Variants in ATP9B observed in about 807,000 individuals in gnomAD.
ATP9B encodes probable phospholipid-transporting ATPase IIB.
ATP9B carries 110 observed loss-of-function variants against 146.1 expected under a neutral mutation model. The ratio of observed to expected loss-of-function variants is 0.75; its 90% CI spans 0.65 to 0.88. The LOEUF (loss-of-function observed/expected upper bound fraction) is 0.88. Ranked by LOEUF, ATP9B falls within the 40% of genes least tolerant of loss-of-function variation. The pLI is 0.00. For missense variants in ATP9B, 1,499 were observed against 1,496.4 expected (o/e 1.00, Z -0.03); for synonymous variants, 604 against 569.7 (o/e 1.06, Z -0.86).
chr18:79,375,654 CG>C, intron 29 of ATP9B: 1 of 985,358 alleles, frequency 1.0e-6, no homozygotes, highest in African/African-American at 1.7e-5. Context: ...GGGAAGGGGC[CG>C]GGCATCCTGC....
chr18:79,075,161 C>T (rs1285249083), intron 1 of ATP9B, among the ~76,000 whole-genome samples: 1 of 151,862 alleles, frequency 6.6e-6, no homozygotes, highest in Non-Finnish European at 1.5e-5. Context: ...ACTGCAAGCT[C>T]TGCCTCCCAG....
At chr18:79,296,687 A>G (rs1444108794) in intron 13 of ATP9B, among the ~76,000 whole-genome samples, 1 of 152,168 alleles carries the variant, frequency 6.6e-6, no homozygotes, top group East Asian at 1.9e-4. Context: ...TATACCTTCC[A>G]CCACCCTTGT....
At chr18:79,263,183 A>G (rs1346015408) in intron 12 of ATP9B, among the ~76,000 whole-genome samples, 1 of 152,104 alleles carries the variant, frequency 6.6e-6, no homozygotes, top group African/African-American at 2.4e-5. Context: ...GCTTTTCCTA[A>G]AGGTTTGCCA....
chr18:79,158,389 A>G lies in ATP9B; in HGVS notation c.778+3834A>G, dbSNP rs192368481. ...TAACTTTGAACCCCTGGGCTCAAGC[A>G]GTTCTCTTGCCTCAGCCTCCCAGGT... is the stretch of plus-strand genomic sequence containing the variant. On this transcript the variant is annotated intron_variant, in intron 7 of 29. Transcript: ENST00000426216. 6.1e-4 allele frequency among the ~76,000 whole-genome samples: 93 copies of G among 152,214 alleles called. No individual in the cohort carries two copies. In the Middle Eastern group the frequency reaches 0.027, roughly 45 times the overall value.
chr18:79,104,216 A>G (rs568865466), intron 2 of ATP9B, among the ~76,000 whole-genome samples: 1 of 152,284 alleles, frequency 6.6e-6, no homozygotes, highest in Admixed American at 6.5e-5. Flanking sequence ...CATGGAGATC[A>G]TTGGGTTGAG....
chr18:79,330,925 CT>C (rs1193891266), intron 17 of ATP9B, among the ~76,000 whole-genome samples: 1 of 152,120 alleles, frequency 6.6e-6, no homozygotes. Flanking sequence ...GCAAGATTTT[CT>C]TTAGAATTTT....
At chr18:79,317,185 T>C (rs1035335860) in intron 15 of ATP9B, among the ~76,000 whole-genome samples, 3 of 152,172 alleles carry the variant, frequency 2.0e-5, no homozygotes, top group African/African-American at 7.2e-5. Context: ...GTAAGAACTT[T>C]TCTTGAGCAA....
chr18:79,340,032 G>A (rs1369249025), intron 19 of ATP9B, among the ~76,000 whole-genome samples: 1 of 152,170 alleles, frequency 6.6e-6, no homozygotes, highest in Non-Finnish European at 1.5e-5. Flanking sequence ...AGCTACTCAG[G>A]AGGCTGAGGC....
intron 11 of ATP9B, among the ~76,000 whole-genome samples, chr18:79,221,386 C>G (rs1370180721): frequency 6.6e-6 from 1 of 152,216 alleles, no homozygotes; most frequent in African/African-American, 2.4e-5. Flanking sequence ...CTTGCCCCAT[C>G]TCAGCTGCAG....
chr18:79,372,863 T>C lies in ATP9B; in HGVS notation c.3051T>C (p.Val1017=), dbSNP rs1468022008. 1 of 1,610,974 alleles carries C rather than the reference T, an allele frequency of 6.2e-7. No individual in the cohort carries two copies. Among genetic ancestry groups the C allele is most frequent in the East Asian group, 2.2e-5 (1 of 44,876 alleles). Residue 1017 remains valine (V), a synonymous_variant, in exon 27 of 30, where the codon GTT becomes GTC. Transcript: ENST00000426216. The part of the protein sequence containing the change: ...SLSFKTFLIW[V]LISIYQGGIL... ...CCTTCAAAACCTTCCTCATCTGGGT[T>C]TTAATAAGTATTTACCAAGGTAAGA...
At chr18:79,297,557 G>A (rs2096561643) in intron 13 of ATP9B, among the ~76,000 whole-genome samples, 1 of 152,256 alleles carries the variant, frequency 6.6e-6, no homozygotes, top group African/African-American at 2.4e-5. Context: ...ATGGGATGTG[G>A]AATTCCATGA....
At chr18:79,370,414 T>C (rs1432993673) in intron 26 of ATP9B, among the ~76,000 whole-genome samples, 2 of 152,184 alleles carry the variant, frequency 1.3e-5, no homozygotes, top group Admixed American at 6.5e-5. Flanking sequence ...ATTCCACACA[T>C]ACGGGGACAT....
chr18:79,166,507 G>A lies in ATP9B; in HGVS notation c.779-10306G>A, dbSNP rs779515881. Among the ~76,000 whole-genome samples, 145 of 152,122 alleles carry A rather than the reference G, an allele frequency of 9.5e-4. 1 individual carries two copies. The highest frequency in any genetic ancestry group is 3.7e-4 in the Non-Finnish European group (25 of 68,024). ...GCTGAGCTTACACATGACATCACAG[G>A]CCTCCCTGTCAGCCTGGAAGATGGT... On this transcript the variant is annotated intron_variant, in intron 7 of 29. Coordinates refer to ENST00000426216, the MANE Select transcript of ATP9B (RefSeq NM_198531.5).
intron 26 of ATP9B, among the ~76,000 whole-genome samples, chr18:79,370,338 G>C (rs888860982): frequency 6.6e-6 from 1 of 152,198 alleles, no homozygotes; most frequent in African/African-American, 2.4e-5. Flanking sequence ...CTGAGGCACA[G>C]AGATTAAGTC....
At chr18:79,159,394 C>T (rs1455051374) in intron 7 of ATP9B, among the ~76,000 whole-genome samples, 1 of 152,178 alleles carries the variant, frequency 6.6e-6, no homozygotes, top group Non-Finnish European at 1.5e-5. Flanking sequence ...TGTCTCTTCT[C>T]TCATACCTGG....
chr18:79,079,792 C>T (rs973637815), intron 1 of ATP9B, among the ~76,000 whole-genome samples: 3 of 152,054 alleles, frequency 2.0e-5, no homozygotes, highest in Admixed American at 6.6e-5. Flanking sequence ...CTTACGTTTA[C>T]GTCTTTAAGC....
intron 17 of ATP9B, chr18:79,332,706 T>C (rs1012761657): frequency 3.3e-5 from 5 of 152,210 alleles, no homozygotes; most frequent in African/African-American, 1.2e-4. Context: ...AAACCCATGT[T>C]GTTTAAGGGC....
Position 79,143,810 on chromosome 18 carries a change from C to A in ATP9B, c.676C>A (p.Gln226Lys), listed in dbSNP as rs150886193. Residue 226 changes from glutamine to lysine, a missense_variant, in exon 6 of 30, where the codon CAA (glutamine) becomes AAA (lysine). By Grantham distance (53) the Gln-to-Lys change is moderately conservative (BLOSUM62 1). Coordinates refer to ENST00000426216, the MANE Select transcript of ATP9B (RefSeq NM_198531.5). ...YSKLTVRGKV[Q>K]VKSSDIQVGD... is the part of the protein sequence containing the mutation. ...CTTCTTCTTTTTTTAAGGTAAAGTGCAAGTTAAGAGTTCAGACATACAAGT... is the reference window on the plus strand; with the variant it reads ...CTTCTTCTTTTTTTAAGGTAAAGTGAAAGTTAAGAGTTCAGACATACAAGT... 383 of 1,575,744 alleles carry A rather than the reference C, an allele frequency of 2.4e-4. 2 individuals are homozygous for A. In the African/African-American group the frequency reaches 3.6e-3, roughly 15 times the overall value.
At chr18:79,114,339 G>C (rs1168282734) in intron 4 of ATP9B, among the ~76,000 whole-genome samples, 1 of 152,154 alleles carries the variant, frequency 6.6e-6, no homozygotes, top group Non-Finnish European at 1.5e-5. Context: ...AGAGTGAAAG[G>C]GTTCCTTCAG....
Sources: gnomAD v4.1 joint callset for allele counts (sites outside exome capture counted in the v4.1 genomes callset) on GRCh38, gnomAD v4.1.1 for gene constraint, MANE v1.5 for transcripts, NCBI Gene and HGNC (gene_info 2026-07-23, HGNC 2026-07-21) for gene names.